GOLPH3: variants seen among roughly 807,000 people sequenced by gnomAD.
The protein encoded by GOLPH3 is coat protein GPP34.
In GOLPH3, 14 loss-of-function variants were observed where a neutral mutation model predicts 28.5. The observed-to-expected ratio is 0.49, with a 90% confidence interval of 0.32 to 0.77. The LOEUF (loss-of-function observed/expected upper bound fraction) is 0.77, where lower values mean the gene tolerates loss of function less well. GOLPH3 is among the 30% of genes least tolerant of loss of function. GOLPH3 has a pLI of 0.03. For missense variants in GOLPH3, 350 were observed against 393.7 expected (o/e 0.89, Z 0.94); for synonymous variants, 158 against 159.2 (o/e 0.99, Z 0.06).
rs1280524934 is a variant in GOLPH3 at position 32,174,203 on chromosome 5, G to A, written c.-169C>T. On this transcript the variant is annotated 5_prime_UTR_variant, in exon 1 of 4. Transcript: ENST00000265070. ...CAGTCATGAGGAAACAGGTCAGGGC[G>A]AAGCGGGCTGGCCGGGCGTCGGCGG... is the stretch of plus-strand genomic sequence containing the variant. 1 of 400,788 alleles carries A rather than the reference G, an allele frequency of 2.5e-6. No homozygotes were observed. The highest frequency in any genetic ancestry group is 4.3e-6 in the Non-Finnish European group (1 of 234,318). 24.8% of individuals were successfully genotyped at this position (400,788 alleles called of 1,614,324 possible).
chr5:32,142,298 G>A lies in GOLPH3; in HGVS notation c.357+1451C>T, dbSNP rs573224888. Among the ~76,000 whole-genome samples the A allele has an allele frequency of 5.4e-5, 8 of 147,074 alleles. No homozygotes were observed. In the South Asian group the frequency reaches 1.1e-3, roughly 20 times the overall value. On this transcript the variant is annotated intron_variant, in intron 2 of 3. Transcript: ENST00000265070. Reference sequence around the variant, plus strand: ...AGGAGCATCTCTGCCCGGACGCCCCGTCTGAGAAATGAGGAGACCCTCTGC... The same window carrying A: ...AGGAGCATCTCTGCCCGGACGCCCCATCTGAGAAATGAGGAGACCCTCTGC...
At chr5:32,147,168 T>C (rs1746195145) in intron 1 of GOLPH3, among the ~76,000 whole-genome samples, 1 of 152,006 alleles carries the variant, frequency 6.6e-6, no homozygotes, top group African/African-American at 2.4e-5. Context: ...TGCACAAAAA[T>C]ATATGTACAA....
chr5:32,148,076 TAA>T (rs990986790), intron 1 of GOLPH3, among the ~76,000 whole-genome samples: 3 of 152,142 alleles, frequency 2.0e-5, no homozygotes, highest in Non-Finnish European at 2.9e-5. Context: ...CATGACTGAA[TAA>T]AGAGACCCAG....
intron 1 of GOLPH3, among the ~76,000 whole-genome samples, chr5:32,170,220 A>T (rs1421903608): frequency 6.6e-6 from 1 of 152,230 alleles, no homozygotes; most frequent in African/African-American, 2.4e-5. Flanking sequence ...GACACAAAGT[A>T]CAAAAAACTA....
chr5:32,152,051 G>GA (rs1746320388), intron 1 of GOLPH3, among the ~76,000 whole-genome samples: 1 of 152,128 alleles, frequency 6.6e-6, no homozygotes, highest in African/African-American at 2.4e-5. Flanking sequence ...GGCACAGTGT[G>GA]AATCTACTTA....
At chr5:32,161,479 TG>T (rs1313362213) in intron 1 of GOLPH3, among the ~76,000 whole-genome samples, 1 of 150,396 alleles carries the variant, frequency 6.6e-6, no homozygotes, top group Non-Finnish European at 1.5e-5. Flanking sequence ...AGAGAACTGC[TG>T]ACCACAAGGG....
At chr5:32,135,768 T>C in intron 2 of GOLPH3, 82 bp from the exon 3 acceptor site, 1 of 768,356 alleles carries the variant, frequency 1.3e-6, no homozygotes, top group Non-Finnish European at 2.2e-6. Context: ...CAAACAATTA[T>C]ATAAATAATT....
intron 1 of GOLPH3, among the ~76,000 whole-genome samples, chr5:32,173,484 G>A (rs1746894354): frequency 6.6e-6 from 1 of 152,038 alleles, no homozygotes; most frequent in Non-Finnish European, 1.5e-5. Context: ...TTGCACCCTG[G>A]GGTCTACACG....
intron 3 of GOLPH3, among the ~76,000 whole-genome samples, chr5:32,128,905 T>C (rs918846045): frequency 6.6e-6 from 1 of 151,206 alleles, no homozygotes; most frequent in African/African-American, 2.4e-5. Context: ...CTGGGCAACA[T>C]GGTGAAATCC....
chr5:32,151,224 T>C (rs1214862243), intron 1 of GOLPH3, among the ~76,000 whole-genome samples: 1 of 151,980 alleles, frequency 6.6e-6, no homozygotes, highest in African/African-American at 2.4e-5. Context: ...GTTGCTTTTT[T>C]TTTTTTTTTT....
In GOLPH3 at chr5:32,144,158, A is replaced by C. The variant is rs113656340; in HGVS notation, c.226-278T>G. ...TCACATTTCACCAAGCTGTGTGTTT[A>C]TTAGGTTCTTTCAGAACCCTGCAAA... On this transcript the variant is annotated intron_variant, in intron 1 of 3. Coordinates refer to ENST00000265070, the MANE Select transcript of GOLPH3 (RefSeq NM_022130.4). Among the ~76,000 whole-genome samples the C allele has an allele frequency of 9.8e-3, 1,500 of 152,344 alleles. 26 individuals carry two copies. The highest frequency in any genetic ancestry group is 0.035 in the African/African-American group (1,458 of 41,568).
Position 32,125,016 on chromosome 5 carries a change from G to A in GOLPH3, c.*1196C>T, listed in dbSNP as rs1322724446. The stretch of plus-strand genomic sequence containing the variant: ...GTAAAAATAAACTTTAAAAAGCAAA[G>A]GTTTATAGTCTGACAATGCTAATTA... On this transcript the variant is annotated 3_prime_UTR_variant, in exon 4 of 4. Transcript: ENST00000265070. 2 of 152,454 alleles carry A rather than the reference G, an allele frequency of 1.3e-5. No homozygotes were observed. The highest frequency in any genetic ancestry group is 1.3e-4 in the Admixed American group (2 of 15,254). The allele number at this position is 152,454 out of a possible 1,614,324, so 9.4% of individuals were successfully genotyped here.
rs1241596292 is a variant in GOLPH3 at position 32,125,909 on chromosome 5, G to A, written c.*303C>T. 3.5e-6 allele frequency: 1 copy of A among 289,030 alleles called. No homozygotes were observed. Among genetic ancestry groups the A allele is most frequent in the African/African-American group, 2.2e-5 (1 of 45,304 alleles). The allele number at this position is 289,030 out of a possible 1,614,324, so 17.9% of individuals were successfully genotyped here. The stretch of plus-strand genomic sequence containing the variant: ...GGTCATCCAAAAGCTGTGCGTATGA[G>A]GAGGCTGGAGGTACTTTGAAAGTCA... On this transcript the variant is annotated 3_prime_UTR_variant, in exon 4 of 4. Coordinates refer to ENST00000265070, the MANE Select transcript of GOLPH3 (RefSeq NM_022130.4).
intron 2 of GOLPH3, among the ~76,000 whole-genome samples, chr5:32,141,096 G>A (rs1746051073): frequency 6.7e-6 from 1 of 150,028 alleles, no homozygotes; most frequent in South Asian, 2.1e-4. Flanking sequence ...CAGGGAAGCA[G>A]AGGTTGCAGT....
At chr5:32,162,580 A>G (rs1746610413) in intron 1 of GOLPH3, among the ~76,000 whole-genome samples, 1 of 152,256 alleles carries the variant, frequency 6.6e-6, no homozygotes, top group African/African-American at 2.4e-5. Flanking sequence ...CCCAGCATAT[A>G]AAGTGCAAGA....
At chr5:32,140,390 T>C (rs1746030444) in intron 2 of GOLPH3, among the ~76,000 whole-genome samples, 1 of 152,056 alleles carries the variant, frequency 6.6e-6, no homozygotes, top group African/African-American at 2.4e-5. Context: ...GCACAGTGGC[T>C]TACGCCTATA....
chr5:32,142,860 C>A (rs1202100997), intron 2 of GOLPH3, among the ~76,000 whole-genome samples: 1 of 150,406 alleles, frequency 6.6e-6, no homozygotes, highest in East Asian at 2.0e-4. Flanking sequence ...CCAGCCGCCC[C>A]GTCCGGGAGG....
At chr5:32,164,475 G>T (rs1746661286) in intron 1 of GOLPH3, among the ~76,000 whole-genome samples, 1 of 151,184 alleles carries the variant, frequency 6.6e-6, no homozygotes, top group Admixed American at 6.6e-5. Context: ...CTCACTGCAA[G>T]CTCCGCCTCC....
Position 32,173,790 on chromosome 5 carries a change from C to G in GOLPH3, c.225+20G>C, listed in dbSNP as rs1225331823. 1 of 1,361,984 alleles carries G rather than the reference C, an allele frequency of 7.3e-7. No homozygotes were observed. Among genetic ancestry groups the G allele is most frequent in the East Asian group, 3.1e-5 (1 of 31,786 alleles). 84.4% of individuals were successfully genotyped at this position (1,361,984 alleles called of 1,614,324 possible). ...CGGGCCCCGCGCCGCCGCCCCCCGC[C>G]CAGCCCGCCGCGCCCGCACCTCGCG... On this transcript the variant is annotated intron_variant, in intron 1 of 3. Coordinates refer to ENST00000265070, the MANE Select transcript of GOLPH3 (RefSeq NM_022130.4).
Sources: allele counts gnomAD v4.1 joint callset (sites outside exome capture counted in the v4.1 genomes callset), GRCh38; gene constraint gnomAD v4.1.1; transcripts MANE v1.5; gene names NCBI Gene and HGNC (gene_info 2026-07-23, HGNC 2026-07-21).